Variants in COL22A1 observed in about 807,000 individuals in gnomAD.
COL22A1 encodes the protein collagen alpha-1(XXII) chain.
COL22A1 carries 221 observed loss-of-function variants against 248.9 expected under a neutral mutation model. The observed-to-expected ratio is 0.89, with a 90% CI of 0.80 to 0.99. The LOEUF (loss-of-function observed/expected upper bound fraction) is 0.99. COL22A1 is among the 50% of genes least tolerant of loss of function. The pLI, the probability that COL22A1 is intolerant of heterozygous loss-of-function variation, is 0.00. For synonymous variants in COL22A1, 891 were observed against 793.4 expected (o/e 1.12, Z -2.07); for missense variants, 2,240 against 2,179.0 (o/e 1.03, Z -0.56).
rs553593602 is a variant in COL22A1, at chr8:138,897,769, A to T, written c.-72-14525T>A. Among the ~76,000 whole-genome samples the T allele has an allele frequency of 2.0e-5, 3 of 152,272 alleles. No homozygotes were observed. In the South Asian group the frequency reaches 6.2e-4, roughly 32 times the overall value. ...ATGAGTAAGCTGATTTTGAATAAGA[A>T]AATTCTCCTTCATTCTGAAAAACAA... On this transcript the variant is annotated intron_variant, in intron 1 of 64. Transcript: ENST00000303045.
At chr8:138,883,868 A>G (rs1824434321) in intron 1 of COL22A1, among the ~76,000 whole-genome samples, 3 of 152,194 alleles carry the variant, frequency 2.0e-5, no homozygotes, top group African/African-American at 7.2e-5. Context: ...TCTTTCTAGC[A>G]GCATGAAAAT....
At chr8:138,604,484 A>T (rs920059564) in intron 59 of COL22A1, among the ~76,000 whole-genome samples, 3 of 152,210 alleles carry the variant, frequency 2.0e-5, no homozygotes, top group African/African-American at 7.2e-5. Flanking sequence ...GATAGCTTGG[A>T]TGCTGAGGAA....
At chr8:138,644,382 G>A (rs1044228163) in intron 47 of COL22A1, among the ~76,000 whole-genome samples, 5 of 151,906 alleles carry the variant, frequency 3.3e-5, no homozygotes, top group African/African-American at 4.8e-5. Flanking sequence ...CTAAATATGC[G>A]GCTGCCACCA....
intron 47 of COL22A1, among the ~76,000 whole-genome samples, chr8:138,642,783 C>A (rs1821830255): frequency 6.6e-6 from 1 of 152,180 alleles, no homozygotes; most frequent in Non-Finnish European, 1.5e-5. Context: ...GTAATCGCAG[C>A]ACTTTGGGAA....
At chr8:138,716,913 T>A in intron 27 of COL22A1, 44 bp from the exon 28 acceptor site, 1 of 1,443,446 alleles carries the variant, frequency 6.9e-7, no homozygotes, top group Non-Finnish European at 9.8e-7. Flanking sequence ...CCATTCACTT[T>A]AAAGAGATGA....
chr8:138,852,022 A>T (rs770591534), intron 3 of COL22A1, among the ~76,000 whole-genome samples: 16 of 151,496 alleles, frequency 1.1e-4, no homozygotes, highest in Non-Finnish European at 1.9e-4. Flanking sequence ...GGAAGGGGGG[A>T]TTGGAGGCAA....
In COL22A1 at chr8:138,827,002, C is replaced by T. The variant is rs529326538; in HGVS notation, c.846-221G>A. 2.6e-5 allele frequency among the ~76,000 whole-genome samples: 4 copies of T among 152,306 alleles called. No individual in the cohort carries two copies. The East Asian group carries it at 5.8e-4, about 22-fold the overall frequency. ...GACCCCCGAGGCTCCAACATCAGCA[C>T]CTTCAAATCCATCCCTATGGTGCGT... On this transcript the variant is annotated intron_variant, in intron 5 of 64. Transcript: ENST00000303045.
intron 12 of COL22A1, among the ~76,000 whole-genome samples, chr8:138,785,302 C>G (rs1299599186): frequency 6.6e-6 from 1 of 152,214 alleles, no homozygotes; most frequent in Non-Finnish European, 1.5e-5. Context: ...CCTGTGTCTC[C>G]AAGGTCCATG....
rs760979390 is a variant in COL22A1 at position 138,877,936 on chromosome 8, C to G, written c.472G>C (p.Val158Leu). The G allele has an allele frequency of 1.2e-6, 2 of 1,604,826 alleles. No individual in the cohort carries two copies. The highest frequency in any genetic ancestry group is 4.5e-5 in the East Asian group (2 of 44,462). The change falls in exon 3 of 65, where the codon GTG (valine) becomes CTG (leucine). Residue 158 changes from valine to leucine, a missense_variant. Val to Leu is a conservative substitution (Grantham distance 32). Coordinates refer to ENST00000303045, the MANE Select transcript of COL22A1 (RefSeq NM_152888.3). ...TGGGCTGCCGCCGCGGCGTCCAGCA[C>G]CAGGTCCTGGCTGCGGCCGTCGGTG... ...LLTDGRSQDL[V>L]LDAAAAAHRA... is the part of the protein sequence containing the mutation.
At chr8:138,849,416 A>T (rs555868333) in intron 3 of COL22A1, among the ~76,000 whole-genome samples, 34 of 152,350 alleles carry the variant, frequency 2.2e-4, no homozygotes, top group African/African-American at 8.2e-4. Flanking sequence ...AGAGAAAGAA[A>T]GAAAGGGGGA....
chr8:138,616,481 G>C (rs1275903488), intron 54 of COL22A1, among the ~76,000 whole-genome samples: 1 of 152,194 alleles, frequency 6.6e-6, no homozygotes, highest in Non-Finnish European at 1.5e-5. Flanking sequence ...GGAGTTAAAG[G>C]ATAAGAAAAT....
intron 2 of COL22A1, among the ~76,000 whole-genome samples, chr8:138,878,935 G>A (rs955520161): frequency 6.6e-6 from 1 of 152,230 alleles, no homozygotes; most frequent in African/African-American, 2.4e-5. Flanking sequence ...GTGAACCCGG[G>A]AGGCGGAGCT....
At chr8:138,644,832 T>C (rs1822051129) in intron 47 of COL22A1, among the ~76,000 whole-genome samples, 1 of 152,142 alleles carries the variant, frequency 6.6e-6, no homozygotes, top group Admixed American at 6.5e-5. Context: ...GCTTTTACCC[T>C]TCCCTTGAGG....
At position 138,591,504 on chromosome 8, in the gene COL22A1, G is replaced by A. The variant is rs1817047152; in HGVS notation, c.4616-3C>T. On this transcript the variant is annotated splice_polypyrimidine_tract_variant and splice_region_variant and intron_variant, in intron 63 of 64. Transcript: ENST00000303045. ...GTCACCTTTGGCTCCTCGCTCACCTGGGAAGAAAAACATGCACTTTTGATG... is the reference window on the plus strand; with the variant it reads ...GTCACCTTTGGCTCCTCGCTCACCTAGGAAGAAAAACATGCACTTTTGATG... The A allele has an allele frequency of 6.5e-7, 1 of 1,536,300 alleles. No homozygotes were observed. The highest frequency in any genetic ancestry group is 8.8e-7 in the Non-Finnish European group (1 of 1,138,574).
chr8:138,888,578 G>A (rs190779166), intron 1 of COL22A1, among the ~76,000 whole-genome samples: 1 of 152,290 alleles, frequency 6.6e-6, no homozygotes, highest in East Asian at 1.9e-4. Flanking sequence ...GGTCTTACCA[G>A]GGCTCTAAAG....
rs1411405132 is a variant in COL22A1 at position 138,755,618 on chromosome 8, C to T, written c.1948-107G>A. The stretch of plus-strand genomic sequence containing the variant: ...TCATTCACAGGCCATGCTGTCATGT[C>T]GTGCCTCCTGACTTTTCTCTGATTC... On this transcript the variant is annotated intron_variant, in intron 19 of 64. Transcript: ENST00000303045. 1.4e-5 allele frequency: 20 copies of T among 1,389,084 alleles called. 1 individual carries two copies. The highest frequency in any genetic ancestry group is 3.6e-4 in the Middle Eastern group (2 of 5,630). 86.0% of individuals were successfully genotyped at this position (1,389,084 alleles called of 1,614,324 possible).
chr8:138,878,136 T>C lies in COL22A1; in HGVS notation c.272A>G (p.Glu91Gly), dbSNP rs1266635469. The C allele has an allele frequency of 6.2e-7, 1 of 1,605,986 alleles. No homozygotes were observed. The highest frequency in any genetic ancestry group is 2.2e-5 in the East Asian group (1 of 44,536). ...RYSDRPTTAF[E>G]LGLFGSQEEV... is the part of the protein sequence containing the mutation. ...CTCCTGCGAGCCAAAGAGTCCCAACTCGAAGGCCGTGGTGGGCCGGTCGCT... is the reference window on the plus strand; with the variant it reads ...CTCCTGCGAGCCAAAGAGTCCCAACCCGAAGGCCGTGGTGGGCCGGTCGCT... Residue 91 changes from glutamate (E) to glycine (G), a missense_variant, in exon 3 of 65, where the codon GAG (glutamate) becomes GGG (glycine). Physicochemically the swap from Glu to Gly is moderately conservative, Grantham distance 98. Coordinates refer to ENST00000303045, the MANE Select transcript of COL22A1 (RefSeq NM_152888.3).
intron 3 of COL22A1, among the ~76,000 whole-genome samples, chr8:138,847,198 T>G (rs1177756762): frequency 6.6e-6 from 1 of 152,212 alleles, no homozygotes; most frequent in African/African-American, 2.4e-5. Flanking sequence ...GCCACTGTCT[T>G]TCTAGCTCCA....
intron 16 of COL22A1, 121 bp from the exon 17 acceptor site, chr8:138,762,587 T>TGC (rs1037006788): frequency 2.5e-5 from 15 of 603,028 alleles, no homozygotes; most frequent in Admixed American, 1.2e-4. Flanking sequence ...CAAACGCACG[T>TGC]GCACACACAC....
Sources: gnomAD v4.1 joint callset for allele counts (sites outside exome capture counted in the v4.1 genomes callset) on GRCh38, gnomAD v4.1.1 for gene constraint, MANE v1.5 for transcripts, NCBI Gene and HGNC (gene_info 2026-07-23, HGNC 2026-07-21) for gene names.